MAP4: variants seen among roughly 807,000 people sequenced by gnomAD.
MAP4 encodes microtubule-associated protein 4.
MAP4 carries 76 observed loss-of-function variants against 170.2 expected under a neutral mutation model. The observed-to-expected ratio is 0.45, with a 90% confidence interval of 0.37 to 0.54. The LOEUF (loss-of-function observed/expected upper bound fraction) is 0.54. Ranked by LOEUF, MAP4 falls within the 20% of genes least tolerant of loss-of-function variation. MAP4 has a pLI of 0.00. For missense variants in MAP4, 2,506 were observed against 2,748.0 expected (o/e 0.91, Z 1.97); for synonymous variants, 909 against 994.5 (o/e 0.91, Z 1.62).
intron 2 of MAP4, among the ~76,000 whole-genome samples, chr3:47,986,994 A>G (rs895807418): frequency 2.5e-4 from 38 of 152,220 alleles, no homozygotes; most frequent in African/African-American, 9.2e-4. Flanking sequence ...GTAATAAGCA[A>G]TGATTACACA....
At position 47,929,918 on chromosome 3, in the gene MAP4, T is replaced by C. The variant is rs115672370; in HGVS notation, c.293-1568A>G. 4.2e-3 allele frequency among the ~76,000 whole-genome samples: 627 copies of C among 147,622 alleles called. 6 individuals carry two copies. The highest frequency in any genetic ancestry group is 0.015 in the African/African-American group (597 of 39,948). On this transcript the variant is annotated intron_variant, in intron 3 of 20. Transcript: ENST00000683076. ...CCGAGGCAGGCGGATCACCTGAAGT[T>C]AGGAATTCAAGACCAGCCTGGCCAA...
At chr3:47,986,329 TGTTTTTTGG>T (rs1317990384) in intron 2 of MAP4, among the ~76,000 whole-genome samples, 2 of 152,002 alleles carry the variant, frequency 1.3e-5, no homozygotes, top group African/African-American at 4.8e-5. Context: ...CTTTGTTTTT[TGTTTTTTGG>T]GGGGTTTTTT....
intron 4 of MAP4, among the ~76,000 whole-genome samples, chr3:47,923,685 G>A (rs114338362): frequency 0.044 from 6,666 of 150,830 alleles, 495 homozygotes; most frequent in African/African-American, 0.15. Context: ...GCATGGTAGC[G>A]CATGCCTGCA....
rs370485574 is a variant in MAP4 at position 47,855,204 on chromosome 3, C to T, written c.6696+44G>A. The T allele has an allele frequency of 2.3e-4, 328 of 1,405,140 alleles. No individual in the cohort carries two copies. The highest frequency in any genetic ancestry group is 3.0e-4 in the Non-Finnish European group (295 of 990,574). The allele number at this position is 1,405,140 out of a possible 1,614,324, so 87.0% of individuals were successfully genotyped here. ...GGACCCTGACCCTAACTGCATAGTT[C>T]CCACCCCTCCCCAGCTGTGTCTCCC... On this transcript the variant is annotated intron_variant, in intron 19 of 20. Transcript: ENST00000683076. This position sits in a 1 kb window ranked among gnomAD's most constrained non-coding sequence, Gnocchi z 5.1.
intron 1 of MAP4, among the ~76,000 whole-genome samples, chr3:48,024,108 G>A (rs775028967): frequency 3.3e-5 from 5 of 152,128 alleles, no homozygotes; most frequent in African/African-American, 9.7e-5. Flanking sequence ...TCAAGAGATC[G>A]AGACCATCCA....
At chr3:48,066,555 G>A (rs996709996) in intron 1 of MAP4, among the ~76,000 whole-genome samples, 3 of 151,346 alleles carry the variant, frequency 2.0e-5, no homozygotes, top group Admixed American at 6.6e-5. Flanking sequence ...GTGCAGAGGC[G>A]CAATCTCCGC....
rs2100036293 is a variant in MAP4 at position 47,912,236 on chromosome 3, C to T, written c.2185G>A (p.Gly729Ser). The T allele has an allele frequency of 1.3e-6, 2 of 1,536,068 alleles. No homozygotes were observed. The highest frequency in any genetic ancestry group is 1.7e-6 in the Non-Finnish European group (2 of 1,146,896). The part of the protein sequence containing the change: ...CSLSESGWVS[G>S]SSSCGGPGNQ... ...CCAGGCCCACCACAGGAGGATGAAC[C>T]AGAGACCCAACCTGACTCAGACAAA... Residue 729 changes from glycine to serine, a missense_variant, in exon 9 of 21, where the codon GGT becomes AGT. By Grantham distance (56) the Gly-to-Ser change is moderately conservative (BLOSUM62 0). Around this residue, in one of 3 missense-constraint regions of MAP4, gnomAD observed 2,008 missense variants for 2,206.0 expected, o/e 0.91. Coordinates refer to ENST00000683076, the MANE Select transcript of MAP4 (RefSeq NM_001385682.1).
chr3:47,853,335 G>A lies in MAP4; in HGVS notation c.6714C>T (p.Ser2238=), dbSNP rs201545947. 8.7e-6 allele frequency: 14 copies of A among 1,607,712 alleles called. No individual in the cohort carries two copies. Among genetic ancestry groups the A allele is most frequent in the East Asian group, 6.7e-5 (3 of 44,748 alleles). Residue 2238 remains serine (S), a synonymous_variant, in exon 20 of 21, where the codon AGC becomes AGT. Transcript: ENST00000683076. ...GGGGACCCGGACACAGAGGAGCCTC[G>A]CTGCCACCGCCCTCAGTCTACAATG... is the stretch of plus-strand genomic sequence containing the variant. ...GGAVKTEGGG[S]EAPLCPGPPA... is the part of the protein sequence containing the mutation.
At chr3:47,944,758 A>G (rs889088027) in intron 3 of MAP4, among the ~76,000 whole-genome samples, 8 of 151,796 alleles carry the variant, frequency 5.3e-5, no homozygotes, top group Admixed American at 4.6e-4. Flanking sequence ...AGTAAAATCC[A>G]AACTGTTTAT....
At chr3:47,936,773 G>C (rs1241744979) in intron 3 of MAP4, among the ~76,000 whole-genome samples, 1 of 151,876 alleles carries the variant, frequency 6.6e-6, no homozygotes, top group Non-Finnish European at 1.5e-5. Flanking sequence ...CTGAGGTCAA[G>C]AGTTCAAGAC....
chr3:47,861,086 C>T (rs1379109666), intron 17 of MAP4, among the ~76,000 whole-genome samples: 8 of 152,088 alleles, frequency 5.3e-5, no homozygotes, highest in Non-Finnish European at 8.8e-5. Flanking sequence ...TTAGGCTGGG[C>T]GCAGTGGCTC....
intron 15 of MAP4, among the ~76,000 whole-genome samples, chr3:47,869,552 C>T (rs1342072768): frequency 2.6e-5 from 4 of 152,114 alleles, no homozygotes; most frequent in Non-Finnish European, 2.9e-5. Context: ...AGTCTTAAGA[C>T]ATGAGGAACA....
chr3:47,911,769 G>A lies in MAP4; in HGVS notation c.2652C>T (p.Asn884=). 1 of 1,536,098 alleles carries A rather than the reference G, an allele frequency of 6.5e-7. No homozygotes were observed. Among genetic ancestry groups the A allele is most frequent in the Non-Finnish European group, 8.7e-7 (1 of 1,146,906 alleles). ...TGTCTTGGTTTTGTAGTACTGACTTGTTACTTTTGCTCTCTTCCTCTACTC... is the reference window on the plus strand; with the variant it reads ...TGTCTTGGTTTTGTAGTACTGACTTATTACTTTTGCTCTCTTCCTCTACTC... ...KLRVEEESKS[N]KSVLQNQDKK... is the part of the protein sequence containing the mutation. The change falls in exon 9 of 21, where the codon AAC becomes AAT. Residue 884 remains asparagine, a synonymous_variant. Transcript: ENST00000683076. This position sits in a 1 kb window ranked among gnomAD's most constrained non-coding sequence, Gnocchi z 4.0.
At chr3:47,888,524 G>A (rs1216428010) in intron 10 of MAP4, among the ~76,000 whole-genome samples, 1 of 152,010 alleles carries the variant, frequency 6.6e-6, no homozygotes, top group East Asian at 1.9e-4. Flanking sequence ...CTTCACTCCT[G>A]AGCCAGCAAG....
intron 1 of MAP4, among the ~76,000 whole-genome samples, chr3:48,009,736 C>A (rs1435435890): frequency 6.6e-6 from 1 of 152,164 alleles, no homozygotes; most frequent in Non-Finnish European, 1.5e-5. Context: ...AGGGGTGGAA[C>A]TGGAAGTGGC....
intron 1 of MAP4, among the ~76,000 whole-genome samples, chr3:48,049,268 T>C (rs2100126269): frequency 6.6e-6 from 1 of 152,234 alleles, no homozygotes; most frequent in Non-Finnish European, 1.5e-5. Flanking sequence ...AAATTTTATT[T>C]TATTTGGAGT....
intron 17 of MAP4, among the ~76,000 whole-genome samples, chr3:47,859,114 AAG>A (rs2061578480): frequency 6.6e-6 from 1 of 152,072 alleles, no homozygotes; most frequent in African/African-American, 2.4e-5. Flanking sequence ...GGGCAACAGA[AAG>A]AGACTCCGCC....
chr3:48,064,256 C>T (rs1400646316), intron 1 of MAP4, among the ~76,000 whole-genome samples: 4 of 152,136 alleles, frequency 2.6e-5, no homozygotes, highest in African/African-American at 7.2e-5. Flanking sequence ...AACCCAAGAT[C>T]GTGTTTGAGA....
chr3:47,912,423 T>A lies in MAP4; in HGVS notation c.2000-2A>T. The A allele has an allele frequency of 6.8e-7, 1 of 1,463,258 alleles. No homozygotes were observed. Among genetic ancestry groups the A allele is most frequent in the Non-Finnish European group, 9.0e-7 (1 of 1,111,230 alleles). 90.6% of individuals were successfully genotyped at this position (1,463,258 alleles called of 1,614,324 possible). ...GGGTACCGCAATACATGAAGTTGGC[T>A]AAAATTCCAAACAAAAAACTCCTCG... On this transcript the variant is annotated splice_acceptor_variant, in intron 8 of 20. Coordinates refer to ENST00000683076, the MANE Select transcript of MAP4 (RefSeq NM_001385682.1). LOFTEE classifies it high-confidence loss of function.
Sources: gnomAD v4.1 joint callset for allele counts (sites outside exome capture counted in the v4.1 genomes callset) on GRCh38, gnomAD v4.1.1 for gene constraint, gnomAD v4.1.1 regional missense constraint, Gnocchi (gnomAD v3.1) non-coding constraint, MANE v1.5 for transcripts, NCBI Gene and HGNC (gene_info 2026-07-23, HGNC 2026-07-21) for gene names.